TUBA1C: variants seen among roughly 807,000 people sequenced by gnomAD.
TUBA1C encodes tubulin alpha-1C chain.
Under a neutral mutation model 34.9 loss-of-function variants are expected in TUBA1C, and 16 were observed. That is an observed-to-expected ratio of 0.46 (90% confidence interval 0.31 to 0.70). The LOEUF (loss-of-function observed/expected upper bound fraction) is 0.70, where lower values mean the gene tolerates loss of function less well. Ranked by LOEUF, TUBA1C falls within the 30% of genes least tolerant of loss-of-function variation. The pLI, the probability that TUBA1C is intolerant of heterozygous loss-of-function variation, is 0.05. For synonymous variants in TUBA1C, 177 were observed against 215.9 expected, an observed-to-expected ratio of 0.82 and a Z score of 1.58; for missense variants, 329 against 587.3, an observed-to-expected ratio of 0.56 and a Z score of 4.55.
chr12:49,255,405 A>AAAAATAT (rs533723121), intron 1 of TUBA1C, among the ~76,000 whole-genome samples: 1 of 141,314 alleles, frequency 7.1e-6, no homozygotes, highest in Non-Finnish European at 1.5e-5. Context: ...ATCTTTAAAA[A>AAAAATAT]ATATATATAT....
At chr12:49,228,181 G>C in intron 1 of TUBA1C, 1 of 1,535,000 alleles carries the variant, frequency 6.5e-7, no homozygotes, top group Non-Finnish European at 8.7e-7. Flanking sequence ...GGCTGTAATA[G>C]TAATGTAATG....
chr12:49,256,507 A>G, intron 1 of TUBA1C: 2 of 448,248 alleles, frequency 4.5e-6, no homozygotes, highest in South Asian at 3.2e-5. Flanking sequence ...TCACCCATTT[A>G]CAAGGTCAGT....
Position 49,272,369 on chromosome 12 carries a change from G to C in TUBA1C, c.492G>C (p.Lys164Asn). The C allele has an allele frequency of 6.2e-7, 1 of 1,614,032 alleles. No homozygotes were observed. The highest frequency in any genetic ancestry group is 1.1e-5 in the South Asian group (1 of 91,070). ...MERLSVDYGK[K>N]SKLEFSIYPA... ...GTCTCTCAGTTGATTATGGCAAGAA[G>C]TCCAAGCTGGAGTTCTCCATTTACC... The change falls in exon 4 of 4, where the codon AAG becomes AAC. Residue 164 changes from lysine (K) to asparagine (N), a missense_variant. By Grantham distance (94) the Lys-to-Asn change is moderately conservative. Around this residue, in one of 4 missense-constraint regions of TUBA1C, gnomAD observed 152 missense variants for 240.3 expected, o/e 0.63. Coordinates refer to ENST00000301072, the MANE Select transcript of TUBA1C (RefSeq NM_032704.5).
intron 3 of TUBA1C, among the ~76,000 whole-genome samples, chr12:49,271,062 T>A (rs1166818559): frequency 6.6e-6 from 1 of 152,162 alleles, no homozygotes; most frequent in African/African-American, 2.4e-5. Context: ...TTAGGACAAA[T>A]AAACCTAGTA....
chr12:49,237,358 C>T (rs894687025), intron 1 of TUBA1C, among the ~76,000 whole-genome samples: 2 of 151,164 alleles, frequency 1.3e-5, no homozygotes, highest in African/African-American at 2.4e-5. Context: ...GCGGAGGTTG[C>T]GGTGAGCCGA....
chr12:49,271,857 C>CT (rs1312567998), intron 3 of TUBA1C, among the ~76,000 whole-genome samples: 1 of 152,190 alleles, frequency 6.6e-6, no homozygotes, highest in African/African-American at 2.4e-5. Context: ...AAGCCCAGGC[C>CT]TTGTGATTCC....
chr12:49,264,753 CTG>C (rs1459475996), upstream of TUBA1C: 1 of 174,752 alleles, frequency 5.7e-6, no homozygotes, highest in Non-Finnish European at 1.2e-5. Flanking sequence ...GTGGACACCT[CTG>C]TCCCTGTCCC....
chr12:49,253,633 T>A (rs544327267), intron 1 of TUBA1C, among the ~76,000 whole-genome samples: 1 of 152,124 alleles, frequency 6.6e-6, no homozygotes, highest in African/African-American at 2.4e-5. Flanking sequence ...GCTCAAGCGA[T>A]CCTCCCACCT....
In TUBA1C at chr12:49,272,818, C is replaced by G; in HGVS notation, c.941C>G (p.Ala314Gly). ...GACCCTCGCCATGGTAAATACATGGCTTGCTGCCTGTTATACCGTGGTGAC... is the reference window on the plus strand; with the variant it reads ...GACCCTCGCCATGGTAAATACATGGGTTGCTGCCTGTTATACCGTGGTGAC... ...KCDPRHGKYM[A>G]CCLLYRGDVV... Residue 314 changes from alanine to glycine, a missense_variant, in exon 4 of 4, where the codon GCT becomes GGT. Ala to Gly is a moderately conservative substitution (Grantham distance 60). Around this residue, in one of 4 missense-constraint regions of TUBA1C, gnomAD observed 140 missense variants for 289.8 expected, o/e 0.48. Transcript: ENST00000301072. 1 of 1,614,160 alleles carries G rather than the reference C, an allele frequency of 6.2e-7. No homozygotes were observed. Among genetic ancestry groups the G allele is most frequent in the Non-Finnish European group, 8.5e-7 (1 of 1,180,030 alleles).
At chr12:49,270,260 T>G in intron 3 of TUBA1C, 3 of 550,360 alleles carry the variant, frequency 5.5e-6, no homozygotes, top group Non-Finnish European at 6.5e-6. Context: ...CTTCTACATG[T>G]AACTAATTGA....
chr12:49,252,381 T>G (rs1221328924), intron 1 of TUBA1C, among the ~76,000 whole-genome samples: 2 of 152,224 alleles, frequency 1.3e-5, no homozygotes, highest in Admixed American at 6.6e-5. Flanking sequence ...TATATTTGTA[T>G]GACAGTCATA....
At chr12:49,241,855 G>C (rs1942620565) in intron 1 of TUBA1C, among the ~76,000 whole-genome samples, 1 of 151,952 alleles carries the variant, frequency 6.6e-6, no homozygotes, top group South Asian at 2.1e-4. Flanking sequence ...TTACTATGTT[G>C]CCCAGGCTGG....
At chr12:49,259,873 C>G (rs1218766901) in intron 1 of TUBA1C, among the ~76,000 whole-genome samples, 1 of 152,072 alleles carries the variant, frequency 6.6e-6, no homozygotes, top group Non-Finnish European at 1.5e-5. Context: ...CAGGAGGAGG[C>G]AGGTGGAGAT....
intron 1 of TUBA1C, among the ~76,000 whole-genome samples, chr12:49,235,088 T>C (rs1942538742): frequency 6.6e-6 from 1 of 150,544 alleles, no homozygotes; most frequent in Admixed American, 6.6e-5. Flanking sequence ...AGTGCTGGGA[T>C]TACAGGCGTG....
chr12:49,246,454 C>A (rs896610249), intron 1 of TUBA1C, among the ~76,000 whole-genome samples: 73 of 149,862 alleles, frequency 4.9e-4, no homozygotes, highest in Admixed American at 1.4e-3. Context: ...CCGAGGCGGG[C>A]GGATCACGAG....
At chr12:49,256,227 C>G (rs981872054) in intron 1 of TUBA1C, among the ~76,000 whole-genome samples, 1 of 152,228 alleles carries the variant, frequency 6.6e-6, no homozygotes, top group Non-Finnish European at 1.5e-5. Context: ...GCGAAACAGG[C>G]TGTGTAGCTT....
intron 3 of TUBA1C, among the ~76,000 whole-genome samples, chr12:49,271,329 C>A (rs1942989359): frequency 6.6e-6 from 1 of 152,152 alleles, no homozygotes; most frequent in Non-Finnish European, 1.5e-5. Flanking sequence ...CAAAATCATT[C>A]CTTCGTAAAG....
chr12:49,234,705 A>G (rs1017668281), intron 1 of TUBA1C, among the ~76,000 whole-genome samples: 1 of 152,242 alleles, frequency 6.6e-6, no homozygotes, highest in African/African-American at 2.4e-5. Context: ...CCTGCTGTTT[A>G]GAAGCGGCCT....
At position 49,272,329 on chromosome 12, in the gene TUBA1C, C is replaced by G. The variant is rs1352539917; in HGVS notation, c.452C>G (p.Ser151Trp). The stretch of plus-strand genomic sequence containing the variant: ...GGGGGAACTGGTTCTGGGTTCACCT[C>G]GCTGCTCATGGAACGTCTCTCAGTT... ...FGGGTGSGFTSLLMERLSVDY... is the reference protein window; with the variant it reads ...FGGGTGSGFTWLLMERLSVDY... Residue 151 changes from serine to tryptophan, a missense_variant, in exon 4 of 4, where the codon TCG becomes TGG. By Grantham distance (177) the Ser-to-Trp change is radical. Coordinates refer to ENST00000301072, the MANE Select transcript of TUBA1C (RefSeq NM_032704.5). 6 of 1,614,044 alleles carry G rather than the reference C, an allele frequency of 3.7e-6. No homozygotes were observed. Among genetic ancestry groups the G allele is most frequent in the Non-Finnish European group, 5.1e-6 (6 of 1,179,998 alleles).
Sources: allele counts gnomAD v4.1 joint callset (sites outside exome capture counted in the v4.1 genomes callset), GRCh38; gene constraint gnomAD v4.1.1; regional missense constraint gnomAD v4.1.1; transcripts MANE v1.5; gene names NCBI Gene and HGNC (gene_info 2026-07-23, HGNC 2026-07-21).